Variants in LIPC observed in about 807,000 individuals in gnomAD.
The protein encoded by LIPC is lipase C, hepatic type, also known as hepatic triacylglycerol lipase.
Under a neutral mutation model 50.7 loss-of-function variants are expected in LIPC, and 44 were observed. The observed-to-expected ratio is 0.87, with a 90% CI of 0.68 to 1.11. The LOEUF (loss-of-function observed/expected upper bound fraction) is 1.11, where lower values mean the gene tolerates loss of function less well. LIPC is among the 50% of genes most tolerant of loss of function. The probability of loss-of-function intolerance (pLI) is 0.00; values close to 1 mark genes in which losing one functional copy is unlikely to be tolerated. For synonymous variants in LIPC, 271 were observed against 256.4 expected (o/e 1.06, Z -0.54); for missense variants, 697 against 648.2 (o/e 1.08, Z -0.82).
chr15:58,508,366 C>T (rs373968923), intron 1 of LIPC, among the ~76,000 whole-genome samples: 5 of 152,052 alleles, frequency 3.3e-5, no homozygotes, highest in Admixed American at 6.5e-5. Context: ...CAAATTAAGC[C>T]GATCATCCCC....
At chr15:58,520,938 GAGA>G (rs1424942222) in intron 1 of LIPC, among the ~76,000 whole-genome samples, 1 of 152,208 alleles carries the variant, frequency 6.6e-6, no homozygotes, top group Non-Finnish European at 1.5e-5. Context: ...AGGGAGGAGG[GAGA>G]AGGACACTGG....
intron 1 of LIPC, among the ~76,000 whole-genome samples, chr15:58,458,426 C>T (rs1894215701): frequency 6.6e-6 from 1 of 152,174 alleles, no homozygotes; most frequent in African/African-American, 2.4e-5. Context: ...CAGGATTTTT[C>T]TTTATGTTGG....
At position 58,541,825 on chromosome 15, in the gene LIPC, C is replaced by T. The variant is rs762938550; in HGVS notation, c.314C>T (p.Ala105Val). 86 of 1,613,242 alleles carry T rather than the reference C, an allele frequency of 5.3e-5. No individual in the cohort carries two copies. Among genetic ancestry groups the T allele is most frequent in the Non-Finnish European group, 7.1e-5 (84 of 1,179,926 alleles). ...GAAAACTGGATCTGGCAGATGGTGG[C>T]CGCGCTGAAGTCTCAGCCGGCCCAG... ...VLENWIWQMV[A>V]ALKSQPAQPV... is the part of the protein sequence containing the mutation. The change falls in exon 3 of 9, where the codon GCC becomes GTC. Residue 105 changes from alanine to valine, a missense_variant. Coordinates refer to ENST00000299022, the MANE Select transcript of LIPC (RefSeq NM_000236.3).
intron 6 of LIPC, among the ~76,000 whole-genome samples, chr15:58,553,820 C>T (rs1893839351): frequency 6.6e-6 from 1 of 152,152 alleles, no homozygotes. Flanking sequence ...GCACTGGCTG[C>T]CTTCTTTGGG....
intron 8 of LIPC, chr15:58,565,126 G>A: frequency 7.1e-7 from 1 of 1,415,888 alleles, no homozygotes; most frequent in Non-Finnish European, 9.6e-7. Context: ...TTATCTCCCT[G>A]GGATGCAAAA....
intron 1 of LIPC, among the ~76,000 whole-genome samples, chr15:58,456,505 G>A (rs1894118019): frequency 6.6e-6 from 1 of 152,222 alleles, no homozygotes; most frequent in Non-Finnish European, 1.5e-5. Flanking sequence ...TAAGGACAGG[G>A]CACATCTCCC....
intron 8 of LIPC, chr15:58,565,655 GATTT>G (rs1270450847): frequency 9.7e-7 from 1 of 1,029,716 alleles, no homozygotes; most frequent in African/African-American, 1.7e-5. Context: ...GGATTTGTCT[GATTT>G]ATTACCCATT....
rs546829533 is a variant in LIPC at position 58,452,736 on chromosome 15, G to T, written c.88+20616G>T. On this transcript the variant is annotated intron_variant, in intron 1 of 8. Coordinates refer to ENST00000299022, the MANE Select transcript of LIPC (RefSeq NM_000236.3). ...ACCGTGGGGTAGGGTGGAGTGGGAT[G>T]GGGTGGGAGGGCAGGGTGAGGCCTG... 2.0e-5 allele frequency among the ~76,000 whole-genome samples: 3 copies of T among 152,130 alleles called. No individual in the cohort carries two copies. In the East Asian group the frequency reaches 5.8e-4, roughly 29 times the overall value.
intron 1 of LIPC, among the ~76,000 whole-genome samples, chr15:58,480,195 A>T (rs1260330684): frequency 1.3e-5 from 2 of 152,212 alleles, no homozygotes; most frequent in Non-Finnish European, 2.9e-5. Flanking sequence ...GCTTTGTCTG[A>T]GAAACCTTCC....
chr15:58,518,669 C>T (rs1021509959), intron 1 of LIPC, among the ~76,000 whole-genome samples: 5 of 152,190 alleles, frequency 3.3e-5, no homozygotes, highest in Admixed American at 2.6e-4. Flanking sequence ...CATACCACAA[C>T]GTGGATGAAT....
chr15:58,552,239 T>C (rs1893787541), intron 6 of LIPC, among the ~76,000 whole-genome samples: 1 of 152,180 alleles, frequency 6.6e-6, no homozygotes, highest in South Asian at 2.1e-4. Context: ...CGTTAGCTCA[T>C]TTCCCATTTG....
chr15:58,566,890 G>T (rs1288085787), intron 8 of LIPC, among the ~76,000 whole-genome samples: 1 of 152,084 alleles, frequency 6.6e-6, no homozygotes, highest in African/African-American at 2.4e-5. Context: ...TGGAGAAACG[G>T]GCATTCTCAT....
At chr15:58,553,482 G>C (rs1168644063) in intron 6 of LIPC, among the ~76,000 whole-genome samples, 1 of 152,186 alleles carries the variant, frequency 6.6e-6, no homozygotes, top group Non-Finnish European at 1.5e-5. Context: ...TGTAGTCCCA[G>C]CTACTTGGGA....
At chr15:58,540,942 A>T (rs1471781004) in intron 2 of LIPC, among the ~76,000 whole-genome samples, 1 of 152,054 alleles carries the variant, frequency 6.6e-6, no homozygotes, top group Non-Finnish European at 1.5e-5. Context: ...CTGGGGCTAG[A>T]GGCATGCACC....
At chr15:58,546,956 A>G (rs1378642875) in intron 5 of LIPC, among the ~76,000 whole-genome samples, 1 of 56,330 alleles carries the variant, frequency 1.8e-5, no homozygotes, top group Non-Finnish European at 3.6e-5. Context: ...CCCCCACTCC[A>G]ACACCTCCCC....
intron 1 of LIPC, among the ~76,000 whole-genome samples, chr15:58,460,885 G>C (rs1894322724): frequency 6.6e-6 from 1 of 152,208 alleles, no homozygotes; most frequent in Non-Finnish European, 1.5e-5. Context: ...TCATCTGCAA[G>C]AGGACAATGG....
At chr15:58,477,403 C>T (rs1328783642) in intron 1 of LIPC, among the ~76,000 whole-genome samples, 2 of 152,196 alleles carry the variant, frequency 1.3e-5, no homozygotes, top group African/African-American at 2.4e-5. Context: ...TTGACCCCAA[C>T]AGATGAGGCT....
At chr15:58,512,084 T>C (rs71478673) in intron 1 of LIPC, among the ~76,000 whole-genome samples, 6,692 of 152,108 alleles carry the variant, frequency 0.044, 236 homozygotes, top group Non-Finnish European at 0.069. Context: ...TTTCTCTATG[T>C]TTTCTTTTTT....
chr15:58,477,213 T>C (rs1342292066), intron 1 of LIPC, among the ~76,000 whole-genome samples: 1 of 152,248 alleles, frequency 6.6e-6, no homozygotes, highest in Non-Finnish European at 1.5e-5. Flanking sequence ...CCTACCTTTT[T>C]AAACAAAATC....
Sources: allele counts gnomAD v4.1 joint callset (sites outside exome capture counted in the v4.1 genomes callset), GRCh38; gene constraint gnomAD v4.1.1; transcripts MANE v1.5; gene names NCBI Gene and HGNC (gene_info 2026-07-23, HGNC 2026-07-21).